The following RRP1B variants were observed in gnomAD, a reference collection of about 807,000 sequenced individuals.
The protein encoded by RRP1B is ribosomal RNA processing 1B.
RRP1B carries 56 observed loss-of-function variants against 80.2 expected under a neutral mutation model. The observed-to-expected ratio is 0.70, with a 90% CI of 0.56 to 0.87. The LOEUF is 0.87. Ranked by LOEUF, RRP1B falls within the 40% of genes least tolerant of loss-of-function variation. The probability of loss-of-function intolerance (pLI) is 0.00; values close to 1 mark genes in which losing one functional copy is unlikely to be tolerated. For missense variants in RRP1B, 807 were observed against 939.8 expected (o/e 0.86, Z 1.85); for synonymous variants, 351 against 357.6 (o/e 0.98, Z 0.21).
In RRP1B at chr21:43,659,603, A is replaced by AGCG; in HGVS notation, c.-61_-59dup. 1 of 1,345,450 alleles carries AGCG rather than the reference A, an allele frequency of 7.4e-7. No individual in the cohort carries two copies. Among genetic ancestry groups the AGCG allele is most frequent in the Non-Finnish European group, 9.5e-7 (1 of 1,049,916 alleles). 83.3% of individuals were successfully genotyped at this position (1,345,450 alleles called of 1,614,324 possible). ...GGCGGACGGTGGCTGGCTGCTCCGCAGCGCTCGGCTGGCTGCAGCGGCACC... is the reference window on the plus strand; with the variant it reads ...GGCGGACGGTGGCTGGCTGCTCCGCAGCGGCGCTCGGCTGGCTGCAGCGGCACC... On this transcript the variant is annotated 5_prime_UTR_variant, in exon 1 of 16. Coordinates refer to ENST00000340648, the MANE Select transcript of RRP1B (RefSeq NM_015056.3). The surrounding 1 kb of genome is among the most constrained non-coding windows in gnomAD (Gnocchi z 4.2).
Position 43,685,767 on chromosome 21 carries a change from T to G in RRP1B, c.990-3T>G. 6.5e-7 allele frequency: 1 copy of G among 1,534,562 alleles called. No homozygotes were observed. The highest frequency in any genetic ancestry group is 1.3e-5 in the South Asian group (1 of 74,144). ...TTTTTATTTTTTATTTTTTTATTTT[T>G]AGATTCCAAGACCTTTCTGAAGGTG... On this transcript the variant is annotated splice_polypyrimidine_tract_variant and splice_region_variant and intron_variant, in intron 10 of 15. Transcript: ENST00000340648.
Position 43,691,599 on chromosome 21 carries a change from G to C in RRP1B, c.2083+97G>C, listed in dbSNP as rs2083086575. The C allele has an allele frequency of 4.0e-6, 4 of 1,000,134 alleles. No individual in the cohort carries two copies. The highest frequency in any genetic ancestry group is 4.7e-6 in the Non-Finnish European group (3 of 636,842). 62.0% of individuals were successfully genotyped at this position (1,000,134 alleles called of 1,614,324 possible). A position where few individuals can be genotyped will look rare whatever the true frequency, so the allele number is the denominator to read the frequency against. ...GTTCCACAAGGCGGTCGGGGAAGAG[G>C]GGGGTCCTAGCTCCTCACTGCCCAT... On this transcript the variant is annotated intron_variant, in intron 15 of 15. Coordinates refer to ENST00000340648, the MANE Select transcript of RRP1B (RefSeq NM_015056.3). The surrounding 1 kb of genome is among the most constrained non-coding windows in gnomAD (Gnocchi z 4.2).
chr21:43,687,729 C>T lies in RRP1B; in HGVS notation c.1355C>T (p.Ser452Phe). The change falls in exon 13 of 16, where the codon TCC becomes TTC. Residue 452 changes from serine to phenylalanine, a missense_variant. Transcript: ENST00000340648. ...GCCGAGCCAGGTGCAGAGGCCACGT[C>T]CAGCACTGGGGAGGAGAGTGGCTCC... ...RVAEPGAEAT[S>F]STGEESGSEH... is the part of the protein sequence containing the mutation. 2 of 1,613,112 alleles carry T rather than the reference C, an allele frequency of 1.2e-6. No individual in the cohort carries two copies. Among genetic ancestry groups the T allele is most frequent in the Non-Finnish European group, 1.7e-6 (2 of 1,179,932 alleles).
At chr21:43,690,710 G>A (rs1257269553) in intron 14 of RRP1B, among the ~76,000 whole-genome samples, 1 of 152,196 alleles carries the variant, frequency 6.6e-6, no homozygotes, top group Non-Finnish European at 1.5e-5. Flanking sequence ...GCAGAAACCA[G>A]TTTTCTCTCG....
intron 1 of RRP1B, among the ~76,000 whole-genome samples, chr21:43,669,389 G>T (rs771763566): frequency 1.3e-5 from 2 of 152,206 alleles, no homozygotes; most frequent in African/African-American, 4.8e-5. Flanking sequence ...ACTTTCAGAT[G>T]TACTGTTTGG....
chr21:43,676,431 C>A (rs1000407786), intron 7 of RRP1B, 95 bp downstream of exon 7: 2 of 947,902 alleles, frequency 2.1e-6, no homozygotes, highest in African/African-American at 3.2e-5. Context: ...ACCCAGGACA[C>A]TGCTTCACAG....
chr21:43,678,111 C>T (rs1348434387), intron 8 of RRP1B, among the ~76,000 whole-genome samples: 3 of 152,226 alleles, frequency 2.0e-5, no homozygotes, highest in Non-Finnish European at 4.4e-5. Context: ...TACTAGTTGA[C>T]ATTCCCACCA....
chr21:43,687,070 AG>A, intron 12 of RRP1B, 135 bp downstream of exon 12: 1 of 1,044,390 alleles, frequency 9.6e-7, no homozygotes, highest in Non-Finnish European at 1.4e-6. Context: ...TTAATGGCTG[AG>A]AGGTAAAGGC....
At chr21:43,692,628 G>A (rs1034185558) in intron 15 of RRP1B, among the ~76,000 whole-genome samples, 8 of 151,662 alleles carry the variant, frequency 5.3e-5, no homozygotes, top group Non-Finnish European at 1.0e-4. Flanking sequence ...GTATTATAAC[G>A]AATTTAGGAC....
chr21:43,674,628 T>G lies in RRP1B; in HGVS notation c.358-8T>G, dbSNP rs114577524. The G allele has an allele frequency of 6.7e-7, 1 of 1,490,344 alleles. No individual in the cohort carries two copies. Among genetic ancestry groups the G allele is most frequent in the Non-Finnish European group, 9.0e-7 (1 of 1,109,166 alleles). 92.3% of individuals were successfully genotyped at this position (1,490,344 alleles called of 1,614,324 possible). A position where few individuals can be genotyped will look rare whatever the true frequency, so the allele number is the denominator to read the frequency against. Reference sequence around the variant, plus strand: ...TTTTTTTTTTAAACAAAAATTGCCTTTCTTTAGCTGATTCGTCTGGTCCTG... The same window carrying G: ...TTTTTTTTTTAAACAAAAATTGCCTGTCTTTAGCTGATTCGTCTGGTCCTG... On this transcript the variant is annotated splice_polypyrimidine_tract_variant and splice_region_variant and intron_variant, in intron 4 of 15. Transcript: ENST00000340648.
At chr21:43,692,303 T>C (rs148226323) in intron 15 of RRP1B, among the ~76,000 whole-genome samples, 1 of 152,042 alleles carries the variant, frequency 6.6e-6, no homozygotes, top group Admixed American at 6.6e-5. Context: ...AAACCAAAGT[T>C]TTAAAAAGTA....
chr21:43,680,709 C>T (rs2083039954), intron 8 of RRP1B, among the ~76,000 whole-genome samples: 1 of 152,112 alleles, frequency 6.6e-6, no homozygotes, highest in African/African-American at 2.4e-5. Context: ...CACAAGCACA[C>T]ACCTCTTTAT....
rs377755549 is a variant in RRP1B at position 43,676,255 on chromosome 21, CT to C, written c.550-12del. ...GGAAAGGCTCTTTCTCAATTTTTCC[CT>C]TTTTCTAAATTACAGCTTTTAGCAG... On this transcript the variant is annotated splice_polypyrimidine_tract_variant and intron_variant, in intron 6 of 15. Transcript: ENST00000340648. 8.2e-4 allele frequency: 1,308 copies of C among 1,591,416 alleles called. 11 individuals are homozygous for C. The African/African-American group carries it at 0.014, about 17-fold the overall frequency.
At chr21:43,670,144 G>T (rs1413691603) in intron 2 of RRP1B, among the ~76,000 whole-genome samples, 178 bp downstream of exon 2, 1 of 152,216 alleles carries the variant, frequency 6.6e-6, no homozygotes, top group Admixed American at 6.5e-5. Context: ...ACACAGTTAG[G>T]TGAATTGTCT....
intron 1 of RRP1B, among the ~76,000 whole-genome samples, chr21:43,660,329 C>A (rs372834805): frequency 1.3e-5 from 2 of 152,186 alleles, no homozygotes; most frequent in Non-Finnish European, 2.9e-5. Context: ...TCTGGGAAGC[C>A]GAGGCGGGCG....
rs1400018980 is a variant in RRP1B at position 43,687,743 on chromosome 21, G to A, written c.1369G>A (p.Glu457Lys). The A allele has an allele frequency of 6.2e-7, 1 of 1,613,246 alleles. No individual in the cohort carries two copies. Among genetic ancestry groups the A allele is most frequent in the Non-Finnish European group, 8.5e-7 (1 of 1,180,004 alleles). The change falls in exon 13 of 16, where the codon GAG becomes AAG. Residue 457 changes from glutamate to lysine, a missense_variant. Physicochemically the swap from Glu to Lys is moderately conservative, Grantham distance 56. Coordinates refer to ENST00000340648, the MANE Select transcript of RRP1B (RefSeq NM_015056.3). ...GAEATSSTGE[E>K]SGSEHPPAVP... is the part of the protein sequence containing the mutation. ...AGAGGCCACGTCCAGCACTGGGGAG[G>A]AGAGTGGCTCCGAGCATCCTCCAGC...
At chr21:43,687,144 C>T (rs540997195) in intron 12 of RRP1B, among the ~76,000 whole-genome samples, 1 of 152,268 alleles carries the variant, frequency 6.6e-6, no homozygotes, top group South Asian at 2.1e-4. Flanking sequence ...CGCTCACGTC[C>T]GCCTGCTCTC....
At chr21:43,682,055 C>T (rs1052213239) in intron 8 of RRP1B, among the ~76,000 whole-genome samples, 3 of 152,014 alleles carry the variant, frequency 2.0e-5, no homozygotes, top group Non-Finnish European at 4.4e-5. Flanking sequence ...TCACTTGAGC[C>T]CAGGAGTTTG....
intron 2 of RRP1B, among the ~76,000 whole-genome samples, chr21:43,671,665 A>C (rs2083000044): frequency 6.7e-6 from 1 of 149,634 alleles, no homozygotes; most frequent in Non-Finnish European, 1.5e-5. Flanking sequence ...TGAGCTGCCC[A>C]GCCCAGCTTA....
Sources: allele counts gnomAD v4.1 joint callset (sites outside exome capture counted in the v4.1 genomes callset), GRCh38; gene constraint gnomAD v4.1.1; non-coding constraint Gnocchi (gnomAD v3.1); transcripts MANE v1.5; gene names NCBI Gene and HGNC (gene_info 2026-07-23, HGNC 2026-07-21).